The following PRSS38 variants were observed in gnomAD, a reference collection of about 807,000 sequenced individuals.
The protein encoded by PRSS38 is marapsin 2.
Under a neutral mutation model 26.8 loss-of-function variants are expected in PRSS38, and 22 were observed. The observed-to-expected ratio is 0.82, with a 90% CI of 0.59 to 1.17. The LOEUF is 1.17. Ranked by LOEUF, PRSS38 falls within the 50% of genes most tolerant of loss-of-function variation. PRSS38 has a pLI of 0.00. For synonymous variants in PRSS38, 175 were observed against 172.1 expected (o/e 1.02, Z -0.13); for missense variants, 427 against 422.7 (o/e 1.01, Z -0.09).
intron 3 of PRSS38, among the ~76,000 whole-genome samples, chr1:227,834,248 G>C (rs914570495): frequency 6.6e-6 from 1 of 152,146 alleles, no homozygotes; most frequent in African/African-American, 2.4e-5. Flanking sequence ...ACTTTTTGTC[G>C]TTTGAAACTG....
chr1:227,841,660 A>AT (rs1346098438), intron 3 of PRSS38, among the ~76,000 whole-genome samples: 1 of 152,116 alleles, frequency 6.6e-6, no homozygotes, highest in Non-Finnish European at 1.5e-5. Flanking sequence ...CTAGTCTTTC[A>AT]TTTTTAACCA....
Position 227,816,389 on chromosome 1 carries a change from C to G in PRSS38, c.311+137C>G, listed in dbSNP as rs1664917276. The G allele has an allele frequency of 1.1e-6, 1 of 905,814 alleles. No homozygotes were observed. Among genetic ancestry groups the G allele is most frequent in the South Asian group, 1.7e-5 (1 of 59,770 alleles). The allele number at this position is 905,814 out of a possible 1,614,324, so 56.1% of individuals were successfully genotyped here. On this transcript the variant is annotated intron_variant, in intron 2 of 4. Transcript: ENST00000366757. The surrounding 1 kb of genome is among the most constrained non-coding windows in gnomAD (Gnocchi z 5.1). ...TCACCACTGTCGACCCGCGCAAGGC[C>G]AGGTCCCCACCAGTGAGGCTGGTCC...
chr1:227,835,112 C>A (rs1486938907), intron 3 of PRSS38, among the ~76,000 whole-genome samples: 1 of 152,176 alleles, frequency 6.6e-6, no homozygotes, highest in African/African-American at 2.4e-5. Context: ...TTAGGAAACA[C>A]AAGACAGAAC....
chr1:227,840,748 C>G (rs1489208030), intron 3 of PRSS38, among the ~76,000 whole-genome samples: 2 of 152,114 alleles, frequency 1.3e-5, no homozygotes, highest in Non-Finnish European at 2.9e-5. Context: ...TCTGTAGTGC[C>G]TTATCCTCAG....
At chr1:227,821,135 G>C (rs1664997892) in intron 3 of PRSS38, among the ~76,000 whole-genome samples, 1 of 152,084 alleles carries the variant, frequency 6.6e-6, no homozygotes, top group Non-Finnish European at 1.5e-5. Flanking sequence ...AGAACATGTG[G>C]TGTTTTGGTT....
chr1:227,817,249 G>C, exon 3 of PRSS38: 1 of 1,614,168 alleles, frequency 6.2e-7, no homozygotes, highest in Non-Finnish European at 8.5e-7. Context: ...CGTAGGCCTC[G>C]TAAACCTCAG....
intron 3 of PRSS38, among the ~76,000 whole-genome samples, chr1:227,839,879 C>T (rs1665292770): frequency 6.6e-6 from 1 of 152,238 alleles, no homozygotes; most frequent in African/African-American, 2.4e-5. Context: ...CAGGTGCCAA[C>T]AGCCACACCC....
intron 3 of PRSS38, among the ~76,000 whole-genome samples, chr1:227,835,012 A>G (rs12036245): frequency 0.41 from 62,561 of 152,048 alleles, 14,968 homozygotes; most frequent in Middle Eastern, 0.56. Flanking sequence ...CCAATTTAAA[A>G]ATGGGCAGAA....
At chr1:227,821,380 A>G (rs1375059522) in intron 3 of PRSS38, among the ~76,000 whole-genome samples, 1 of 152,212 alleles carries the variant, frequency 6.6e-6, no homozygotes, top group Non-Finnish European at 1.5e-5. Context: ...AATGATTTAT[A>G]TCATGGTTTA....
At chr1:227,838,232 C>T (rs1452702957) in intron 3 of PRSS38, among the ~76,000 whole-genome samples, 2 of 152,088 alleles carry the variant, frequency 1.3e-5, no homozygotes, top group African/African-American at 2.4e-5. Context: ...ATTCTAGAAG[C>T]GTTTTGAATT....
rs1311799655 is a variant in PRSS38, at chr1:227,836,413, C to T, written c.584-9057C>T. On this transcript the variant is annotated intron_variant, in intron 3 of 4. Coordinates refer to ENST00000366757, the Ensembl canonical transcript of PRSS38. Reference sequence around the variant, plus strand: ...TTTTTAATAAAAGCTTCCGGCCGGGCGCGGTGGCTCACGCCTGTAATCCCA... The same window carrying T: ...TTTTTAATAAAAGCTTCCGGCCGGGTGCGGTGGCTCACGCCTGTAATCCCA... Among the ~76,000 whole-genome samples, 2 of 3,840 alleles carry T rather than the reference C, an allele frequency of 5.2e-4. 1 individual carries two copies. The highest frequency in any genetic ancestry group is 4.0e-3 in the East Asian group (2 of 506). 2.5% of individuals were successfully genotyped at this position (3,840 alleles called of 152,430 possible).
chr1:227,822,315 A>G (rs768741101), intron 3 of PRSS38, among the ~76,000 whole-genome samples: 2 of 152,156 alleles, frequency 1.3e-5, no homozygotes, highest in African/African-American at 2.4e-5. Flanking sequence ...GTCTTTGTCT[A>G]GACTTCTTTA....
At chr1:227,841,051 A>C (rs1310178876) in intron 3 of PRSS38, among the ~76,000 whole-genome samples, 1 of 152,208 alleles carries the variant, frequency 6.6e-6, no homozygotes, top group Non-Finnish European at 1.5e-5. Context: ...ATCTATTGCC[A>C]CAAGAATGCT....
At chr1:227,832,567 TA>T (rs1665167908) in intron 3 of PRSS38, among the ~76,000 whole-genome samples, 1 of 152,202 alleles carries the variant, frequency 6.6e-6, no homozygotes, top group South Asian at 2.1e-4. Flanking sequence ...AATGGTTAAA[TA>T]CCGAAAGCCT....
At chr1:227,842,921 G>A (rs1028054095) in intron 3 of PRSS38, among the ~76,000 whole-genome samples, 1 of 152,152 alleles carries the variant, frequency 6.6e-6, no homozygotes, top group Non-Finnish European at 1.5e-5. Flanking sequence ...ACAAGTCGTG[G>A]TAAGTATATC....
At chr1:227,823,827 A>G (rs1284580702) in intron 3 of PRSS38, among the ~76,000 whole-genome samples, 1 of 152,130 alleles carries the variant, frequency 6.6e-6, no homozygotes, top group African/African-American at 2.4e-5. Context: ...TTTTCCTTAT[A>G]ATTTCCCCAG....
chr1:227,817,151 C>T (rs1664932091), intron 2 of PRSS38, 58 bp from the exon 3 acceptor site: 5 of 1,573,122 alleles, frequency 3.2e-6, no homozygotes, highest in Non-Finnish European at 3.5e-6. Flanking sequence ...CTCCCCAGGC[C>T]TGTGGGCTGA....
chr1:227,836,220 T>A (rs1665236765), intron 3 of PRSS38, among the ~76,000 whole-genome samples: 1 of 152,098 alleles, frequency 6.6e-6, no homozygotes, highest in Non-Finnish European at 1.5e-5. Flanking sequence ...TTCCTCAGCC[T>A]CCTGAGTAGC....
At position 227,816,326 on chromosome 1, in the gene PRSS38, C is replaced by T. The variant is rs963190463; in HGVS notation, c.311+74C>T. The T allele has an allele frequency of 2.8e-6, 4 of 1,430,392 alleles. No individual in the cohort carries two copies. The highest frequency in any genetic ancestry group is 1.4e-5 in the African/African-American group (1 of 71,038). The allele number at this position is 1,430,392 out of a possible 1,614,324, so 88.6% of individuals were successfully genotyped here. Reference sequence around the variant, plus strand: ...AGTGCCCACAGCGGCTTGGATGGACCCCACGCAAGCCTCCCCCATCACCAT... The same window carrying T: ...AGTGCCCACAGCGGCTTGGATGGACTCCACGCAAGCCTCCCCCATCACCAT... On this transcript the variant is annotated intron_variant, in intron 2 of 4. Coordinates refer to ENST00000366757, the Ensembl canonical transcript of PRSS38. The surrounding 1 kb of genome is among the most constrained non-coding windows in gnomAD (Gnocchi z 5.1).
Sources: gnomAD v4.1 joint callset for allele counts (sites outside exome capture counted in the v4.1 genomes callset) on GRCh38, gnomAD v4.1.1 for gene constraint, Gnocchi (gnomAD v3.1) non-coding constraint, MANE v1.5 for transcripts, NCBI Gene and HGNC (gene_info 2026-07-23, HGNC 2026-07-21) for gene names.